Variants in DPP6 observed in about 807,000 individuals in gnomAD.
DPP6 encodes the protein A-type potassium channel modulatory protein DPP6.
DPP6 carries 69 observed loss-of-function variants against 122.6 expected under a neutral mutation model. The observed-to-expected ratio is 0.56, with a 90% CI of 0.46 to 0.69. DPP6 has a LOEUF of 0.69. DPP6 is among the 30% of genes least tolerant of loss of function. The probability of loss-of-function intolerance (pLI) is 0.00; values close to 1 mark genes in which losing one functional copy is unlikely to be tolerated. For synonymous variants in DPP6, 418 were observed against 433.1 expected (o/e 0.97, Z 0.43); for missense variants, 928 against 1,116.9 (o/e 0.83, Z 2.41).
At chr7:154,006,819 C>T (rs1797932456) in intron 1 of DPP6, among the ~76,000 whole-genome samples, 1 of 152,198 alleles carries the variant, frequency 6.6e-6, no homozygotes, top group African/African-American at 2.4e-5. Context: ...TAATGGTCAC[C>T]CCACATATAG....
intron 1 of DPP6, among the ~76,000 whole-genome samples, chr7:154,248,972 T>C (rs1802175803): frequency 6.6e-6 from 1 of 152,250 alleles, no homozygotes; most frequent in South Asian, 2.1e-4. Context: ...TGTCTTGGCA[T>C]GTGCCTCCTT....
At chr7:154,262,123 G>A (rs2150916629) in intron 1 of DPP6, among the ~76,000 whole-genome samples, 1 of 152,150 alleles carries the variant, frequency 6.6e-6, no homozygotes, top group South Asian at 2.1e-4. Context: ...GAAATATGAA[G>A]GAAAGTGAAA....
Position 154,376,333 on chromosome 7 carries a change from AATTC to A in DPP6, c.244-69877_244-69874del, listed in dbSNP as rs1813130781. ...TTAAAAAATACTTTTAGCAGGACATAATTCATTATACAAGGCAGCATTAGCAAAG... is the reference window on the plus strand; with the variant it reads ...TTAAAAAATACTTTTAGCAGGACATAATTATACAAGGCAGCATTAGCAAAG... On this transcript the variant is annotated intron_variant, in intron 1 of 25. Transcript: ENST00000377770. Among the ~76,000 whole-genome samples, 3 of 152,312 alleles carry A rather than the reference AATTC, an allele frequency of 2.0e-5. No homozygotes were observed. The South Asian group carries it at 6.2e-4, about 32-fold the overall frequency.
intron 16 of DPP6, among the ~76,000 whole-genome samples, chr7:154,812,692 T>C (rs1799147534): frequency 6.6e-6 from 1 of 152,322 alleles, no homozygotes; most frequent in Admixed American, 6.5e-5. Flanking sequence ...TAGGACTTAA[T>C]GTATAAATGT....
chr7:153,974,665 C>T (rs576397436), intron 1 of DPP6, among the ~76,000 whole-genome samples: 1 of 152,308 alleles, frequency 6.6e-6, no homozygotes, highest in South Asian at 2.1e-4. Context: ...AACACAGGGC[C>T]CTGAGGGTCG....
In DPP6 at chr7:154,545,204, G is replaced by A. The variant is rs528191830; in HGVS notation, c.552+4578G>A. On this transcript the variant is annotated intron_variant, in intron 4 of 25. Transcript: ENST00000377770. The stretch of plus-strand genomic sequence containing the variant: ...ATTTTAAATGTCAATGTTATTTTAC[G>A]TTTCATGCTCCTTATAAGACTCTTG... Among the ~76,000 whole-genome samples the A allele has an allele frequency of 1.0e-3, 159 of 152,084 alleles. 4 individuals carry two copies. The South Asian group carries it at 0.012, about 11-fold the overall frequency.
At chr7:154,600,002 T>C (rs1833338384) in intron 5 of DPP6, among the ~76,000 whole-genome samples, 1 of 152,180 alleles carries the variant, frequency 6.6e-6, no homozygotes, top group African/African-American at 2.4e-5. Context: ...ATCCTTTTCT[T>C]CATAAAACTT....
At chr7:154,455,642 C>A (rs924429668) in intron 2 of DPP6, among the ~76,000 whole-genome samples, 7 of 152,048 alleles carry the variant, frequency 4.6e-5, no homozygotes, top group Admixed American at 3.3e-4. Context: ...TTTTGATTTC[C>A]CATCATTAAT....
rs377152572 is a variant in DPP6 at position 153,928,740 on chromosome 7, G to C, written c.51+41006G>C. The stretch of plus-strand genomic sequence containing the variant: ...GATTACATTTCAAGGTACAAATTTT[G>C]GGGGACACAGACATTTGCACCATAG... On this transcript the variant is annotated intron_variant, in intron 1 of 25. Transcript: ENST00000404039. Among the ~76,000 whole-genome samples the C allele has an allele frequency of 1.3e-3, 201 of 152,116 alleles. 6 individuals are homozygous for C. In the South Asian group the frequency reaches 0.039, roughly 30 times the overall value.
At chr7:154,431,150 C>T (rs146179393) in intron 1 of DPP6, among the ~76,000 whole-genome samples, 13 of 152,280 alleles carry the variant, frequency 8.5e-5, no homozygotes, top group South Asian at 2.1e-4. Context: ...TTCAGAACAC[C>T]GTGGTGCCCT....
intron 1 of DPP6, among the ~76,000 whole-genome samples, chr7:154,242,862 G>T (rs2150878614): frequency 6.6e-6 from 1 of 152,348 alleles, no homozygotes; most frequent in East Asian, 1.9e-4. Flanking sequence ...AGCAGTGGTT[G>T]CCTTCTGCAG....
intron 7 of DPP6, among the ~76,000 whole-genome samples, chr7:154,692,754 T>C (rs983353350): frequency 2.6e-5 from 4 of 151,336 alleles, no homozygotes; most frequent in African/African-American, 7.3e-5. Context: ...TTTCATACTT[T>C]TATTTGAAAA....
At chr7:154,235,271 C>T (rs1435458850) in intron 1 of DPP6, among the ~76,000 whole-genome samples, 4 of 152,198 alleles carry the variant, frequency 2.6e-5, no homozygotes, top group African/African-American at 7.2e-5. Flanking sequence ...GGTATCATAT[C>T]GTGTGTGTTT....
intron 1 of DPP6, among the ~76,000 whole-genome samples, chr7:154,218,085 A>T (rs1219681016): frequency 6.6e-6 from 1 of 152,264 alleles, no homozygotes. Context: ...CGCATTTAAA[A>T]TCCATCCACC....
intron 2 of DPP6, among the ~76,000 whole-genome samples, chr7:154,469,599 C>A (rs529794517): frequency 6.6e-6 from 1 of 152,218 alleles, no homozygotes; most frequent in South Asian, 2.1e-4. Flanking sequence ...TGCAGACGTG[C>A]TACCTGGTTT....
At chr7:154,364,838 C>CTGA (rs1812021630) in intron 1 of DPP6, among the ~76,000 whole-genome samples, 1 of 152,152 alleles carries the variant, frequency 6.6e-6, no homozygotes, top group Admixed American at 6.5e-5. Context: ...GGAACCGGCA[C>CTGA]AGTAGTTGTC....
At chr7:154,849,724 T>G (rs543946298) in intron 16 of DPP6, among the ~76,000 whole-genome samples, 1 of 152,194 alleles carries the variant, frequency 6.6e-6, no homozygotes, top group Non-Finnish European at 1.5e-5. Context: ...GTGGTGAGAG[T>G]GGGCATCCTT....
chr7:154,209,554 AAC>A (rs142148214), intron 1 of DPP6, among the ~76,000 whole-genome samples: 82,689 of 147,096 alleles, frequency 0.56, 25,664 homozygotes, highest in Non-Finnish European at 0.7. Context: ...AAAAAAAAAA[AAC>A]AAAAAACCTT....
chr7:153,785,955 A>G, the DPP6 span, among the ~76,000 whole-genome samples: 2 of 151,828 alleles, frequency 1.3e-5, no homozygotes, highest in Non-Finnish European at 2.9e-5. Context: ...TAATGGAAAT[A>G]AATAACAAAT....
Sources: gnomAD v4.1 joint callset for allele counts (sites outside exome capture counted in the v4.1 genomes callset) on GRCh38, gnomAD v4.1.1 for gene constraint, MANE v1.5 for transcripts, NCBI Gene and HGNC (gene_info 2026-07-23, HGNC 2026-07-21) for gene names.